The following RAP1GAP variants were observed in gnomAD, a reference collection of about 807,000 sequenced individuals.
RAP1GAP encodes rap1 GTPase-activating protein 1.
In RAP1GAP, 35 loss-of-function variants were observed where a neutral mutation model predicts 87.2. The observed-to-expected ratio is 0.40, with a 90% CI of 0.31 to 0.53. The LOEUF (loss-of-function observed/expected upper bound fraction) is 0.53, where lower values mean the gene tolerates loss of function less well. RAP1GAP is among the 20% of genes least tolerant of loss of function. The pLI is 0.48. For synonymous variants in RAP1GAP, 375 were observed against 363.9 expected, an observed-to-expected ratio of 1.03 and a Z score of -0.35; for missense variants, 734 against 898.9, an observed-to-expected ratio of 0.82 and a Z score of 2.35.
Position 21,658,500 on chromosome 1 carries a change from G to A in RAP1GAP, c.-148-8704C>T, listed in dbSNP as rs1006094449. On this transcript the variant is annotated intron_variant, in intron 1 of 24. Coordinates refer to ENST00000374765, the MANE Select transcript of RAP1GAP (RefSeq NM_002885.4). ...GGAGAATTGCATGAACCCAGGAGGC[G>A]GAGGTTGCAGTGAGCTAAGATCACA... Among the ~76,000 whole-genome samples, 12 of 152,108 alleles carry A rather than the reference G, an allele frequency of 7.9e-5. No individual in the cohort carries two copies. In the East Asian group the frequency reaches 1.9e-3, roughly 25 times the overall value.
chr1:21,660,353 T>TATATATATATATATATAGAGA, intron 1 of RAP1GAP, among the ~76,000 whole-genome samples: 1 of 26,814 alleles, frequency 3.7e-5, no homozygotes, highest in Non-Finnish European at 8.4e-5. Flanking sequence ...ATATATTTAT[T>TATATATATATATATATAGAGA]GAGACAGTCT....
intron 2 of RAP1GAP, among the ~76,000 whole-genome samples, chr1:21,637,145 C>CTT (rs869047762): frequency 3.9e-5 from 5 of 128,510 alleles, no homozygotes; most frequent in Admixed American, 7.9e-5. Context: ...TCTTTTTTTT[C>CTT]TTTTTTTTTT....
intron 13 of RAP1GAP, among the ~76,000 whole-genome samples, chr1:21,610,680 C>T (rs2077670616): frequency 1.3e-5 from 2 of 152,274 alleles, no homozygotes; most frequent in Admixed American, 1.3e-4. Context: ...AGCTTGGGGA[C>T]TCGAGCCCAG....
intron 20 of RAP1GAP, among the ~76,000 whole-genome samples, chr1:21,601,060 G>A (rs2067993203): frequency 7.0e-6 from 1 of 143,634 alleles, no homozygotes. Context: ...TTGCTATGAT[G>A]TCCAGGCTAG....
At chr1:21,658,565 A>AAAAAAC (rs927650690) in intron 1 of RAP1GAP, among the ~76,000 whole-genome samples, 1 of 151,838 alleles carries the variant, frequency 6.6e-6, no homozygotes, top group Non-Finnish European at 1.5e-5. Flanking sequence ...ACTCTGTCTC[A>AAAAAAC]AAAAACAAAA....
At chr1:21,645,749 C>T (rs1213089378) in intron 2 of RAP1GAP, among the ~76,000 whole-genome samples, 1 of 152,192 alleles carries the variant, frequency 6.6e-6, no homozygotes, top group African/African-American at 2.4e-5. Context: ...GCCTGCCCAC[C>T]AGATGCATAA....
chr1:21,611,366 T>G, intron 13 of RAP1GAP, 86 bp downstream of exon 13: 1 of 1,502,442 alleles, frequency 6.7e-7, no homozygotes, highest in Non-Finnish European at 9.0e-7. Flanking sequence ...GGCCCAGCGC[T>G]GAGCCTGGCG....
In RAP1GAP at chr1:21,611,545, C is replaced by T. The variant is rs370166831; in HGVS notation, c.750G>A (p.Thr250=). The change falls in exon 13 of 25, where the codon ACG becomes ACA. Residue 250 remains threonine (T), a synonymous_variant. Coordinates refer to ENST00000374765, the MANE Select transcript of RAP1GAP (RefSeq NM_002885.4). ...AGTTGCAGTACACAGATTCGGTCCC[C>T]GTCTGCCCGTGGGTCACGTCCAGGC... ...RGGLDVTHGQ[T]GTESVYCNFR... is the part of the protein sequence containing the mutation. 122 of 1,614,056 alleles carry T rather than the reference C, an allele frequency of 7.6e-5. 1 individual carries two copies. Among genetic ancestry groups the T allele is most frequent in the Non-Finnish European group, 9.5e-5 (112 of 1,180,036 alleles).
Position 21,613,812 on chromosome 1 carries a change from C to A in RAP1GAP, c.396-106G>T. ...AGAAGGGGGTGGACCACAGCGAGGACCAGAGGTGATGATGGGTGTCAGGCT... is the reference window on the plus strand; with the variant it reads ...AGAAGGGGGTGGACCACAGCGAGGAACAGAGGTGATGATGGGTGTCAGGCT... On this transcript the variant is annotated intron_variant, in intron 8 of 24. Coordinates refer to ENST00000374765, the MANE Select transcript of RAP1GAP (RefSeq NM_002885.4). This position sits in a 1 kb window ranked among gnomAD's most constrained non-coding sequence, Gnocchi z 4.7. The A allele has an allele frequency of 1.6e-6, 2 of 1,259,668 alleles. No individual in the cohort carries two copies. 78.0% of individuals were successfully genotyped at this position (1,259,668 alleles called of 1,614,324 possible).
intron 1 of RAP1GAP, among the ~76,000 whole-genome samples, chr1:21,655,090 A>G (rs2096805241): frequency 6.6e-6 from 1 of 151,502 alleles, no homozygotes; most frequent in African/African-American, 2.4e-5. Context: ...CAGTGAGCCA[A>G]CATCAGGCCA....
At chr1:21,632,249 C>T (rs572070395) in intron 2 of RAP1GAP, among the ~76,000 whole-genome samples, 44 of 152,324 alleles carry the variant, frequency 2.9e-4, no homozygotes, top group African/African-American at 9.9e-4. Flanking sequence ...TGGGCCCGGC[C>T]GGAAGCCGCT....
In RAP1GAP at chr1:21,617,092, GCTGC is replaced by G. The variant is rs2149633225; in HGVS notation, c.291+210_291+213del. On this transcript the variant is annotated intron_variant, in intron 7 of 24. Coordinates refer to ENST00000374765, the MANE Select transcript of RAP1GAP (RefSeq NM_002885.4). ...CTGCCATGAACCACCATGCCATAAT[GCTGC>G]CTTTGCAATCAATGTTGAATGAACA... 1.3e-5 allele frequency among the ~76,000 whole-genome samples: 2 copies of G among 152,344 alleles called. 1 individual carries two copies. Among genetic ancestry groups the G allele is most frequent in the East Asian group, 3.9e-4 (2 of 5,178 alleles).
At position 21,638,553 on chromosome 1, in the gene RAP1GAP, T is replaced by C. The variant is rs568377437; in HGVS notation, c.-113+11208A>G. Among the ~76,000 whole-genome samples, 19 of 151,970 alleles carry C rather than the reference T, an allele frequency of 1.3e-4. 1 individual carries two copies. The South Asian group carries it at 3.7e-3, about 30-fold the overall frequency. ...GAATTTTGAGTGGGATGAAGCCCAGTTGGGCTGTGTCTGTCTGTCCGTCCT... is the reference window on the plus strand; with the variant it reads ...GAATTTTGAGTGGGATGAAGCCCAGCTGGGCTGTGTCTGTCTGTCCGTCCT... On this transcript the variant is annotated intron_variant, in intron 2 of 24. Coordinates refer to ENST00000374765, the MANE Select transcript of RAP1GAP (RefSeq NM_002885.4).
intron 17 of RAP1GAP, among the ~76,000 whole-genome samples, chr1:21,607,254 T>C (rs1361592242): frequency 1.3e-5 from 2 of 152,212 alleles, no homozygotes; most frequent in Non-Finnish European, 2.9e-5. Context: ...CCCACACTTC[T>C]CATTTCAGAC....
chr1:21,659,492 C>T (rs2097022686), intron 1 of RAP1GAP, among the ~76,000 whole-genome samples: 1 of 152,130 alleles, frequency 6.6e-6, no homozygotes, highest in Non-Finnish European at 1.5e-5. Context: ...CAGGCGCCGC[C>T]GCACGTCTCC....
chr1:21,651,907 C>T (rs2152025667), intron 1 of RAP1GAP: 1 of 952,740 alleles, frequency 1.0e-6, no homozygotes, highest in Non-Finnish European at 1.3e-6. Context: ...GCGGCCGCCC[C>T]GCCCCCGCCC....
At position 21,603,509 on chromosome 1, in the gene RAP1GAP, C is replaced by CCAT. The variant is rs1558619962; in HGVS notation, c.1429-597_1429-596insATG. 7 of 598,090 alleles carry CCAT rather than the reference C, an allele frequency of 1.2e-5. No individual in the cohort carries two copies. The highest frequency in any genetic ancestry group is 1.8e-5 in the Non-Finnish European group (6 of 333,208). 37.0% of individuals were successfully genotyped at this position (598,090 alleles called of 1,614,324 possible). On this transcript the variant is annotated intron_variant, in intron 18 of 24. Coordinates refer to ENST00000374765, the MANE Select transcript of RAP1GAP (RefSeq NM_002885.4). The surrounding 1 kb of genome is among the most constrained non-coding windows in gnomAD (Gnocchi z 6.0). ...GAGTCAGGGCAGAGGAGAGGGATGG[C>CCAT]GCTCCATGCAGACCGGCGATATTGG...
At chr1:21,619,952 C>T (rs1570802681) in intron 4 of RAP1GAP, 63 bp downstream of exon 4, 1 of 1,548,872 alleles carries the variant, frequency 6.5e-7, no homozygotes, top group South Asian at 1.1e-5. Flanking sequence ...GCAGCAAGGG[C>T]CCCCCAGCCC....
At chr1:21,643,212 T>A (rs977025278) in intron 2 of RAP1GAP, among the ~76,000 whole-genome samples, 2 of 152,218 alleles carry the variant, frequency 1.3e-5, no homozygotes, top group South Asian at 4.1e-4. Flanking sequence ...AATGAATGAA[T>A]TTTGGGGAAG....
Sources: allele counts gnomAD v4.1 joint callset (sites outside exome capture counted in the v4.1 genomes callset), GRCh38; gene constraint gnomAD v4.1.1; non-coding constraint Gnocchi (gnomAD v3.1); transcripts MANE v1.5; gene names NCBI Gene and HGNC (gene_info 2026-07-23, HGNC 2026-07-21).